The following DESI2 variants were observed in gnomAD, a reference collection of about 807,000 sequenced individuals.
The protein encoded by DESI2 is deubiquitinase DESI2.
DESI2 carries 10 observed loss-of-function variants against 24.1 expected under a neutral mutation model. The ratio of observed to expected loss-of-function variants is 0.41; its 90% confidence interval spans 0.26 to 0.70. The LOEUF (loss-of-function observed/expected upper bound fraction) is 0.70, where lower values mean the gene tolerates loss of function less well. DESI2 is among the 30% of genes least tolerant of loss of function. The probability of loss-of-function intolerance (pLI) is 0.29; values close to 1 mark genes in which losing one functional copy is unlikely to be tolerated. For missense variants in DESI2, 122 were observed against 234.9 expected, an observed-to-expected ratio of 0.52 and a Z score of 3.14; for synonymous variants, 71 against 87.7, an observed-to-expected ratio of 0.81 and a Z score of 1.06.
chr1:244,705,827 A>C lies in DESI2; in HGVS notation c.*38A>C. The C allele has an allele frequency of 1.4e-6, 2 of 1,440,774 alleles. No homozygotes were observed. Among genetic ancestry groups the C allele is most frequent in the South Asian group, 1.2e-5 (1 of 85,856 alleles). 89.2% of individuals were successfully genotyped at this position (1,440,774 alleles called of 1,614,324 possible). A position where few individuals can be genotyped will look rare whatever the true frequency, so the allele number is the denominator to read the frequency against. On this transcript the variant is annotated 3_prime_UTR_variant, in exon 5 of 5. Transcript: ENST00000302550. ...TCACACATTCAGAACTGTCTCTGGCAGTCGAATATCACTAGAGAAAAGTAA... is the reference window on the plus strand; with the variant it reads ...TCACACATTCAGAACTGTCTCTGGCCGTCGAATATCACTAGAGAAAAGTAA...
At chr1:244,654,706 A>T (rs1333675595) in intron 1 of DESI2, among the ~76,000 whole-genome samples, 1 of 152,198 alleles carries the variant, frequency 6.6e-6, no homozygotes, top group East Asian at 1.9e-4. Context: ...CTGGTTGAGA[A>T]ATAATTCTCT....
intron 4 of DESI2, among the ~76,000 whole-genome samples, chr1:244,702,673 A>G (rs901240440): frequency 1.3e-5 from 2 of 152,184 alleles, no homozygotes. Flanking sequence ...ACATAAACCA[A>G]TAGACACGGC....
At chr1:244,690,543 T>TA (rs1007727264) in intron 3 of DESI2, among the ~76,000 whole-genome samples, 2 of 151,826 alleles carry the variant, frequency 1.3e-5, no homozygotes, top group African/African-American at 4.8e-5. Flanking sequence ...CCGTCTCTAC[T>TA]AAAAATATAA....
chr1:244,654,923 TAGG>T (rs1266637834), intron 1 of DESI2, among the ~76,000 whole-genome samples: 1 of 152,194 alleles, frequency 6.6e-6, no homozygotes, highest in Admixed American at 6.5e-5. Context: ...GTATTTAAAT[TAGG>T]AGTATACAGT....
chr1:244,686,614 T>C lies in DESI2; in HGVS notation c.60T>C (p.Tyr20=), dbSNP rs1435859876. ...TTTCTCAGTATTGGATGAACGAATA[T>C]ACCTCATCCATTGGAATTGGAGTTT... is the stretch of plus-strand genomic sequence containing the variant. The part of the protein sequence containing the change: ...NVYDMYWMNE[Y]TSSIGIGVFH... The change falls in exon 2 of 5, where the codon TAT becomes TAC. Residue 20 remains tyrosine (Y), a synonymous_variant. Coordinates refer to ENST00000302550, the MANE Select transcript of DESI2 (RefSeq NM_016076.5). 3 of 1,607,844 alleles carry C rather than the reference T, an allele frequency of 1.9e-6. No homozygotes were observed. The highest frequency in any genetic ancestry group is 2.6e-6 in the Non-Finnish European group (3 of 1,174,364).
chr1:244,700,913 G>C (rs1677424949), intron 4 of DESI2, among the ~76,000 whole-genome samples: 1 of 152,094 alleles, frequency 6.6e-6, no homozygotes, highest in Non-Finnish European at 1.5e-5. Flanking sequence ...TGACTTAATA[G>C]ATACAGTAAA....
chr1:244,695,947 T>C (rs1239100629), intron 4 of DESI2, among the ~76,000 whole-genome samples: 1 of 152,052 alleles, frequency 6.6e-6, no homozygotes, highest in Non-Finnish European at 1.5e-5. Context: ...CTTTTGTATT[T>C]TTTGTGAAGA....
At chr1:244,670,104 A>G (rs771453800) in intron 1 of DESI2, among the ~76,000 whole-genome samples, 2 of 152,030 alleles carry the variant, frequency 1.3e-5, no homozygotes, top group African/African-American at 2.4e-5. Flanking sequence ...TTACAGGCAC[A>G]TGCCACCACA....
chr1:244,698,315 GC>G (rs1185179834), intron 4 of DESI2, among the ~76,000 whole-genome samples: 10 of 152,082 alleles, frequency 6.6e-5, no homozygotes, highest in Non-Finnish European at 1.0e-4. Context: ...TATGATTTTT[GC>G]CCATTGGAGC....
At chr1:244,653,479 G>A in intron 1 of DESI2, 124 bp downstream of exon 1, 1 of 964,610 alleles carries the variant, frequency 1.0e-6, no homozygotes, top group Non-Finnish European at 1.5e-6. Context: ...AGTTCTCGGG[G>A]GAAGCCGGGG....
In DESI2 at chr1:244,707,926, A is replaced by G. The variant is rs1677775346; in HGVS notation, c.*2137A>G. On this transcript the variant is annotated 3_prime_UTR_variant, in exon 5 of 5. Transcript: ENST00000302550. ...TAGAAATAGTGTCCTAAGGCCAATT[A>G]CCTACCATACTAACAATCAGCAGAT... The G allele has an allele frequency of 6.6e-6, 1 of 152,232 alleles. No individual in the cohort carries two copies. Among genetic ancestry groups the G allele is most frequent in the Non-Finnish European group, 1.5e-5 (1 of 68,040 alleles). 9.4% of individuals were successfully genotyped at this position (152,232 alleles called of 1,614,324 possible).
chr1:244,688,706 G>A (rs1178382332), intron 2 of DESI2, among the ~76,000 whole-genome samples: 1 of 152,044 alleles, frequency 6.6e-6, no homozygotes, highest in African/African-American at 2.4e-5. Context: ...ATGGGAGGGT[G>A]GATGGGTATG....
chr1:244,683,351 G>A (rs527899252), intron 1 of DESI2, among the ~76,000 whole-genome samples: 23 of 151,550 alleles, frequency 1.5e-4, no homozygotes, highest in South Asian at 1.5e-3. Context: ...TCGCTCTGTC[G>A]CCCAGGCTGG....
chr1:244,694,328 A>T, intron 4 of DESI2: 1 of 498,864 alleles, frequency 2.0e-6, no homozygotes, highest in Admixed American at 2.4e-5. Context: ...AAAGAGTATT[A>T]TATGGTGACA....
intron 1 of DESI2, among the ~76,000 whole-genome samples, chr1:244,674,868 A>G (rs1203611500): frequency 2.6e-5 from 4 of 152,218 alleles, no homozygotes; most frequent in African/African-American, 9.6e-5. Context: ...TCTCTTGGGC[A>G]TATGCCTAGA....
intron 4 of DESI2, among the ~76,000 whole-genome samples, chr1:244,693,366 G>T (rs1677095922): frequency 6.6e-6 from 1 of 151,900 alleles, no homozygotes; most frequent in South Asian, 2.1e-4. Flanking sequence ...AATTCTGGAT[G>T]TCCCTGGAGC....
chr1:244,677,504 AAAAC>A (rs1676452263), intron 1 of DESI2, among the ~76,000 whole-genome samples: 2 of 152,220 alleles, frequency 1.3e-5, no homozygotes, highest in African/African-American at 4.8e-5. Context: ...GGAAATGTGA[AAAAC>A]AAAGAACTAC....
intron 3 of DESI2, among the ~76,000 whole-genome samples, chr1:244,690,272 A>C (rs527907732): frequency 6.6e-6 from 1 of 152,130 alleles, no homozygotes; most frequent in Non-Finnish European, 1.5e-5. Context: ...CCCTGTGTCC[A>C]AGTGTTCTCA....
chr1:244,703,644 C>T, intron 4 of DESI2, among the ~76,000 whole-genome samples: 1 of 147,900 alleles, frequency 6.8e-6, no homozygotes, highest in East Asian at 2.0e-4. Flanking sequence ...AGCCACCATG[C>T]CTGGCCTCAT....
Sources: gnomAD v4.1 joint callset for allele counts (sites outside exome capture counted in the v4.1 genomes callset) on GRCh38, gnomAD v4.1.1 for gene constraint, MANE v1.5 for transcripts, NCBI Gene and HGNC (gene_info 2026-07-23, HGNC 2026-07-21) for gene names.